The following LIMD1 variants were observed in gnomAD, a reference collection of about 807,000 sequenced individuals.
The protein encoded by LIMD1 is LIM domain-containing protein 1.
A neutral mutation model predicts 58.4 loss-of-function variants in LIMD1; 23 were observed. That is an observed-to-expected ratio of 0.39 (90% confidence interval 0.28 to 0.56). LIMD1 has a LOEUF of 0.56. Ranked by LOEUF, LIMD1 falls within the 20% of genes least tolerant of loss-of-function variation. LIMD1 has a pLI of 0.57. For synonymous variants in LIMD1, 334 were observed against 345.5 expected (o/e 0.97, Z 0.37); for missense variants, 838 against 855.5 (o/e 0.98, Z 0.25).
intron 1 of LIMD1, among the ~76,000 whole-genome samples, chr3:45,603,694 A>C (rs981464884): frequency 6.6e-6 from 1 of 152,114 alleles, no homozygotes; most frequent in Non-Finnish European, 1.5e-5. Context: ...ATTGAGGCAG[A>C]GTCTCACCAT....
chr3:45,661,548 T>C (rs1697437190), intron 2 of LIMD1, among the ~76,000 whole-genome samples: 1 of 152,354 alleles, frequency 6.6e-6, no homozygotes. Flanking sequence ...TAGGATAAAT[T>C]CCTGAAATAG....
intron 1 of LIMD1, among the ~76,000 whole-genome samples, chr3:45,611,608 C>T (rs1286856927): frequency 6.6e-6 from 1 of 152,192 alleles, no homozygotes; most frequent in African/African-American, 2.4e-5. Flanking sequence ...TATGTCCTAT[C>T]CCTCTGTGTA....
chr3:45,595,592 G>C lies in LIMD1; in HGVS notation c.713G>C (p.Arg238Thr). 6.2e-7 allele frequency: 1 copy of C among 1,614,136 alleles called. No individual in the cohort carries two copies. Among genetic ancestry groups the C allele is most frequent in the Non-Finnish European group, 8.5e-7 (1 of 1,180,026 alleles). ...CGACAGCTCTCCCTGAGCTCCAGCAGGTCTTCTGAGGGTAGCCTCGGTGGT... is the reference window on the plus strand; with the variant it reads ...CGACAGCTCTCCCTGAGCTCCAGCACGTCTTCTGAGGGTAGCCTCGGTGGT... Reference protein sequence around the residue: ...NHRQLSLSSSRSSEGSLGGQN... With the variant: ...NHRQLSLSSSTSSEGSLGGQN... The change falls in exon 1 of 8, where the codon AGG becomes ACG. Residue 238 changes from arginine to threonine, a missense_variant. By Grantham distance (71) the Arg-to-Thr change is moderately conservative. Coordinates refer to ENST00000273317, the MANE Select transcript of LIMD1 (RefSeq NM_014240.3).
chr3:45,650,479 C>G (rs1001609756), intron 2 of LIMD1, among the ~76,000 whole-genome samples: 1 of 145,938 alleles, frequency 6.9e-6, no homozygotes, highest in African/African-American at 2.6e-5. Context: ...AATGCTATCC[C>G]TCCCCCAGCC....
intron 1 of LIMD1, among the ~76,000 whole-genome samples, chr3:45,609,515 G>A (rs1307377627): frequency 6.6e-6 from 1 of 152,162 alleles, no homozygotes; most frequent in African/African-American, 2.4e-5. Context: ...GCTCTGAATG[G>A]TTCCTTGGTT....
At chr3:45,663,867 A>ACTTTTTTTTTTTTTTTT in intron 2 of LIMD1, among the ~76,000 whole-genome samples, 1 of 79,844 alleles carries the variant, frequency 1.3e-5, no homozygotes, top group Non-Finnish European at 2.3e-5. Flanking sequence ...ATGCCTGGCT[A>ACTTTTTTTTTTTTTTTT]ATTTTTTTTT....
At chr3:45,645,272 G>C (rs1435586204) in intron 2 of LIMD1, among the ~76,000 whole-genome samples, 1 of 152,204 alleles carries the variant, frequency 6.6e-6, no homozygotes, top group East Asian at 1.9e-4. Flanking sequence ...GCCAAACCTG[G>C]TTTCCCAGGT....
chr3:45,674,863 G>C (rs150376681), intron 7 of LIMD1, among the ~76,000 whole-genome samples: 46 of 152,294 alleles, frequency 3.0e-4, no homozygotes, highest in Admixed American at 1.0e-3. Flanking sequence ...GTCAGCTGGT[G>C]GTGTGAAGGC....
intron 1 of LIMD1, among the ~76,000 whole-genome samples, chr3:45,632,348 C>T (rs144737517): frequency 1.3e-3 from 204 of 152,294 alleles, no homozygotes; most frequent in African/African-American, 4.8e-3. Context: ...GATTTCTCCC[C>T]CATTGTCACA....
At chr3:45,651,513 A>C (rs1053704294) in intron 2 of LIMD1, among the ~76,000 whole-genome samples, 10 of 152,186 alleles carry the variant, frequency 6.6e-5, no homozygotes, top group Admixed American at 1.3e-4. Flanking sequence ...TTTTTGTGTA[A>C]GGTGGAAGGA....
Position 45,595,207 on chromosome 3 carries a change from T to C in LIMD1, c.328T>C (p.Ser110Pro). ...TGCTGCCAAGCCTCCTCTTGCTGCCTCGACAGGGGCACCTGGGGCAGTCAC... is the reference window on the plus strand; with the variant it reads ...TGCTGCCAAGCCTCCTCTTGCTGCCCCGACAGGGGCACCTGGGGCAGTCAC... ...DGAAKPPLAA[S>P]TGAPGAVTTL... is the part of the protein sequence containing the mutation. Residue 110 changes from serine (S) to proline (P), a missense_variant, in exon 1 of 8, where the codon TCG becomes CCG. Transcript: ENST00000273317. 1 of 1,602,008 alleles carries C rather than the reference T, an allele frequency of 6.2e-7. No homozygotes were observed. Among genetic ancestry groups the C allele is most frequent in the Non-Finnish European group, 8.5e-7 (1 of 1,173,926 alleles).
At chr3:45,610,563 G>A (rs187884) in intron 1 of LIMD1, among the ~76,000 whole-genome samples, 9 of 152,048 alleles carry the variant, frequency 5.9e-5, no homozygotes, top group African/African-American at 2.2e-4. Flanking sequence ...GGCATGCATG[G>A]TGGCTTTGAT....
chr3:45,599,345 A>C (rs1395928531), intron 1 of LIMD1, among the ~76,000 whole-genome samples: 1 of 151,920 alleles, frequency 6.6e-6, no homozygotes, highest in Non-Finnish European at 1.5e-5. Flanking sequence ...ATCCCCTCCC[A>C]GCTCCTGGCA....
chr3:45,611,100 A>G (rs1193547971), intron 1 of LIMD1, among the ~76,000 whole-genome samples: 1 of 152,234 alleles, frequency 6.6e-6, no homozygotes, highest in Non-Finnish European at 1.5e-5. Flanking sequence ...TTTGCTGTAT[A>G]CATTCTCTTG....
intron 4 of LIMD1, among the ~76,000 whole-genome samples, 172 bp from the exon 5 acceptor site, chr3:45,672,518 A>G (rs776432390): frequency 1.3e-5 from 2 of 152,210 alleles, no homozygotes; most frequent in African/African-American, 2.4e-5. Context: ...TCATCTAAAC[A>G]GATTTGCCTT....
chr3:45,630,886 G>A (rs1175395299), intron 1 of LIMD1, among the ~76,000 whole-genome samples: 1 of 152,160 alleles, frequency 6.6e-6, no homozygotes, highest in Non-Finnish European at 1.5e-5. Flanking sequence ...ACAGGAGATG[G>A]CAGCAGCTCC....
chr3:45,637,079 G>A (rs150843614), intron 2 of LIMD1, among the ~76,000 whole-genome samples: 307 of 152,272 alleles, frequency 2.0e-3, no homozygotes, highest in African/African-American at 7.2e-3. Context: ...GAACAAAGGG[G>A]TCTTTCTAAC....
chr3:45,672,653 C>T, intron 4 of LIMD1, 37 bp from the exon 5 acceptor site: 1 of 1,610,276 alleles, frequency 6.2e-7, no homozygotes, highest in Non-Finnish European at 8.5e-7. Flanking sequence ...TCTCATCCTT[C>T]CCTATAATCC....
intron 1 of LIMD1, among the ~76,000 whole-genome samples, chr3:45,622,577 A>G (rs998205492): frequency 1.3e-5 from 2 of 152,082 alleles, no homozygotes; most frequent in African/African-American, 4.8e-5. Context: ...TTGCTGTACT[A>G]TACTCACCCG....
Sources: allele counts gnomAD v4.1 joint callset (sites outside exome capture counted in the v4.1 genomes callset), GRCh38; gene constraint gnomAD v4.1.1; transcripts MANE v1.5; gene names NCBI Gene and HGNC (gene_info 2026-07-23, HGNC 2026-07-21).